TRPC5: variants seen among roughly 807,000 people sequenced by gnomAD.
TRPC5 encodes the protein transient receptor potential cation channel subfamily C member 5, also known as short transient receptor potential channel 5.
Under a neutral mutation model 56.5 loss-of-function variants are expected in TRPC5, and 9 were observed. The ratio of observed to expected loss-of-function variants is 0.16; its 90% CI spans 0.10 to 0.28. TRPC5 has a LOEUF of 0.28. TRPC5 is among the 10% of genes least tolerant of loss of function. The probability of loss-of-function intolerance (pLI) is 1.00; values close to 1 mark genes in which losing one functional copy is unlikely to be tolerated. For missense variants in TRPC5, 469 were observed against 748.9 expected (o/e 0.63, Z 4.36); for synonymous variants, 282 against 278.5 (o/e 1.01, Z -0.13).
intron 2 of TRPC5, among the ~76,000 whole-genome samples, chrX:111,948,569 T>C (rs1283669844): frequency 1.8e-5 from 2 of 109,283 alleles, no homozygotes; most frequent in African/African-American, 6.7e-5. Flanking sequence ...CTGTCTCTAC[T>C]AAAATACAAA....
At chrX:111,999,189 C>T (rs1185851098) in intron 1 of TRPC5, among the ~76,000 whole-genome samples, 3 of 111,126 alleles carry the variant, frequency 2.7e-5, no homozygotes, top group Admixed American at 1.9e-4. Context: ...TGAGAACATG[C>T]AGTAACACTA....
At chrX:112,069,108 A>T in intron 1 of TRPC5, among the ~76,000 whole-genome samples, 1 of 111,546 alleles carries the variant, frequency 9.0e-6, no homozygotes, top group South Asian at 3.8e-4. Context: ...TATGAGCCAG[A>T]CTCTATGCTA....
intron 2 of TRPC5, among the ~76,000 whole-genome samples, chrX:111,932,396 A>G (rs1294815881): frequency 8.9e-6 from 1 of 111,826 alleles, no homozygotes; most frequent in East Asian, 2.8e-4. Context: ...GCTGTTAAAA[A>G]TGGGACACCG....
chrX:111,995,894 G>A (rs1230440750), intron 1 of TRPC5, among the ~76,000 whole-genome samples: 2 of 109,058 alleles, frequency 1.8e-5, no homozygotes, highest in Admixed American at 9.8e-5. Flanking sequence ...CTTGCTAGCG[G>A]TCTATCAATT....
chrX:111,836,691 C>G (rs1922572748), intron 6 of TRPC5, among the ~76,000 whole-genome samples: 1 of 112,491 alleles, frequency 8.9e-6, no homozygotes, highest in Non-Finnish European at 1.9e-5. Context: ...CCGTCCCTCT[C>G]TACTATAATG....
chrX:112,043,545 C>T (rs1196222833), intron 1 of TRPC5, among the ~76,000 whole-genome samples: 3 of 108,905 alleles, frequency 2.8e-5, no homozygotes, highest in Non-Finnish European at 5.7e-5. Context: ...TAAGACCTAG[C>T]GTGAAAACTT....
intron 3 of TRPC5, among the ~76,000 whole-genome samples, chrX:111,905,652 C>A (rs187901953): frequency 9.0e-6 from 1 of 111,683 alleles, no homozygotes; most frequent in Non-Finnish European, 1.9e-5. Flanking sequence ...CGGTGGCTCA[C>A]GCCTGTAATC....
chrX:111,977,785 C>A (rs1282008887), intron 1 of TRPC5, among the ~76,000 whole-genome samples: 1 of 111,372 alleles, frequency 9.0e-6, no homozygotes, highest in Non-Finnish European at 1.9e-5. Flanking sequence ...ATACAAATAA[C>A]CCAATTAAAA....
intron 1 of TRPC5, among the ~76,000 whole-genome samples, chrX:111,978,159 T>G (rs753737882): frequency 5.4e-5 from 6 of 112,060 alleles, no homozygotes; most frequent in African/African-American, 1.9e-4. Context: ...AGAGTTAATA[T>G]TCACTCCTAT....
intron 3 of TRPC5, among the ~76,000 whole-genome samples, chrX:111,860,143 C>G (rs1462103789): frequency 8.9e-6 from 1 of 112,545 alleles, no homozygotes; most frequent in Non-Finnish European, 1.9e-5. Context: ...CTCCTGACCT[C>G]GTGATCCGCC....
chrX:111,968,396 C>A (rs769689561), intron 1 of TRPC5, among the ~76,000 whole-genome samples: 2 of 111,594 alleles, frequency 1.8e-5, no homozygotes, highest in South Asian at 7.6e-4. Flanking sequence ...ACTAGTTCAA[C>A]CATTGTGGAA....
rs1218965676 is a variant in TRPC5 at position 111,966,354 on chromosome X, AAG to A, written c.-21-13915_-21-13914del. 8.1e-5 allele frequency among the ~76,000 whole-genome samples: 9 copies of A among 111,601 alleles called. No homozygotes were observed. In the Admixed American group the frequency reaches 8.5e-4, roughly 11 times the overall value. ...AATAATCAATAGCTTACCAACCAAAAAGAGTCCAGGACCAGATGGATTCACAG... is the reference window on the plus strand; with the variant it reads ...AATAATCAATAGCTTACCAACCAAAAAGTCCAGGACCAGATGGATTCACAG... On this transcript the variant is annotated intron_variant, in intron 1 of 10. Transcript: ENST00000262839.
chrX:111,955,531 A>C (rs1369139157), intron 1 of TRPC5, among the ~76,000 whole-genome samples: 1 of 111,898 alleles, frequency 8.9e-6, no homozygotes, highest in African/African-American at 3.3e-5. Context: ...ACTACGAATA[A>C]AGAATAATGC....
chrX:111,896,554 G>T (rs1031014382), intron 3 of TRPC5: 2 of 110,912 alleles, frequency 1.8e-5, no homozygotes, highest in Non-Finnish European at 3.8e-5. Context: ...ATAGGTAATG[G>T]ATATATCCCT....
At chrX:112,008,167 G>A (rs113542371) in intron 1 of TRPC5, among the ~76,000 whole-genome samples, 9,751 of 112,317 alleles carry the variant, frequency 0.087, 595 homozygotes, top group African/African-American at 0.22. Context: ...CTTGGTGGAT[G>A]ATGTGAGTGG....
chrX:112,061,024 C>T (rs1186279356), intron 1 of TRPC5, among the ~76,000 whole-genome samples: 1 of 112,486 alleles, frequency 8.9e-6, no homozygotes, highest in Non-Finnish European at 1.9e-5. Flanking sequence ...TTTCTGTTTC[C>T]TCCTTAGAAA....
intron 1 of TRPC5, among the ~76,000 whole-genome samples, chrX:111,968,488 G>T (rs1402110895): frequency 9.0e-6 from 1 of 111,044 alleles, no homozygotes; most frequent in Admixed American, 9.6e-5. Flanking sequence ...TATACCCAAA[G>T]GATTATAAAT....
rs762175127 is a variant in TRPC5 at position 112,081,254 on chromosome X, G to T, written c.-22+625C>A. ...TGACCATTTGTCCGAGTCGATGTGT[G>T]TCTAGGGAGGGAGGGAGGTGTCCAC... On this transcript the variant is annotated intron_variant, in intron 1 of 10. Transcript: ENST00000262839. Among the ~76,000 whole-genome samples, 3 of 112,196 alleles carry T rather than the reference G, an allele frequency of 2.7e-5. No individual in the cohort carries two copies. The East Asian group carries it at 8.5e-4, about 32-fold the overall frequency.
At chrX:111,842,003 G>A (rs1306542840) in intron 6 of TRPC5, among the ~76,000 whole-genome samples, 1 of 105,988 alleles carries the variant, frequency 9.4e-6, no homozygotes. Context: ...GAGACACCAC[G>A]CCCAGCCTGG....
Sources: gnomAD v4.1 joint callset for allele counts (sites outside exome capture counted in the v4.1 genomes callset) on GRCh38, gnomAD v4.1.1 for gene constraint, MANE v1.5 for transcripts, NCBI Gene and HGNC (gene_info 2026-07-23, HGNC 2026-07-21) for gene names.